Variants in MIB1 observed in about 807,000 individuals in gnomAD.
MIB1 encodes the protein E3 ubiquitin-protein ligase MIB1.
A neutral mutation model predicts 124.5 loss-of-function variants in MIB1; 278 were observed. That is an observed-to-expected ratio of 2.23 (90% CI 2.02 to 2.47). The LOEUF is 2.47. Ranked by LOEUF, MIB1 falls within the 30% of genes most tolerant of loss-of-function variation. The pLI is 0.00. For synonymous variants in MIB1, 446 were observed against 429.4 expected, an observed-to-expected ratio of 1.04 and a Z score of -0.48; for missense variants, 957 against 1,254.4, an observed-to-expected ratio of 0.76 and a Z score of 3.58.
intron 20 of MIB1, among the ~76,000 whole-genome samples, chr18:21,860,098 CTTT>C (rs398032096): frequency 7.6e-5 from 2 of 26,460 alleles, no homozygotes; most frequent in African/African-American, 1.2e-4. Flanking sequence ...TTCTTTATGT[CTTT>C]TTTTTTTTTT....
At chr18:21,710,876 G>T (rs2040662663) in intron 1 of MIB1, among the ~76,000 whole-genome samples, 1 of 148,036 alleles carries the variant, frequency 6.8e-6, no homozygotes, top group South Asian at 2.1e-4. Context: ...CGCCAGGCTG[G>T]AGTGCAGTGG....
intron 2 of MIB1, among the ~76,000 whole-genome samples, chr18:21,767,410 C>G (rs1953585311): frequency 6.6e-6 from 1 of 152,082 alleles, no homozygotes; most frequent in South Asian, 2.1e-4. Flanking sequence ...GGTAACCGCC[C>G]CCATGATTAA....
chr18:21,734,760 C>T (rs113003125), intron 1 of MIB1, among the ~76,000 whole-genome samples: 2,824 of 152,122 alleles, frequency 0.019, 40 homozygotes, highest in East Asian at 0.068. Flanking sequence ...AACTCCTGAC[C>T]TCAAATGATC....
chr18:21,721,134 T>C (rs2040712447), intron 1 of MIB1, among the ~76,000 whole-genome samples: 1 of 148,386 alleles, frequency 6.7e-6, no homozygotes, highest in Non-Finnish European at 1.5e-5. Flanking sequence ...GAGATTTTTT[T>C]GAAAGATTTA....
chr18:21,776,411 A>T (rs1271406272), intron 4 of MIB1, among the ~76,000 whole-genome samples: 1 of 152,158 alleles, frequency 6.6e-6, no homozygotes. Context: ...GCATACCTGC[A>T]GGTGCACATG....
At chr18:21,757,927 C>T (rs1166083438) in intron 1 of MIB1, among the ~76,000 whole-genome samples, 1 of 152,062 alleles carries the variant, frequency 6.6e-6, no homozygotes, top group Non-Finnish European at 1.5e-5. Context: ...AAGATCCATG[C>T]TAGGTGCGGA....
rs545115380 is a variant in MIB1, at chr18:21,747,618, G to A, written c.229+5806G>A. Among the ~76,000 whole-genome samples the A allele has an allele frequency of 3.3e-5, 5 of 152,332 alleles. No homozygotes were observed. The East Asian group carries it at 9.6e-4, about 29-fold the overall frequency. On this transcript the variant is annotated intron_variant, in intron 1 of 20. Coordinates refer to ENST00000261537, the MANE Select transcript of MIB1 (RefSeq NM_020774.4). ...CTAGATTGGCATTATTAGTTGGGGA[G>A]AAGAGAAGTGTGTACAACTGAAATA...
chr18:21,736,104 G>A (rs1235206572), upstream of MIB1, among the ~76,000 whole-genome samples: 9 of 152,224 alleles, frequency 5.9e-5, no homozygotes, highest in African/African-American at 2.2e-4. Context: ...AGTAGGGGCC[G>A]ACAGACACCT....
chr18:21,819,204 A>G (rs1452892567), intron 11 of MIB1, among the ~76,000 whole-genome samples: 1 of 152,092 alleles, frequency 6.6e-6, no homozygotes, highest in Admixed American at 6.6e-5. Context: ...TGCCCGGCTA[A>G]TTTTTAAAAT....
intron 15 of MIB1, among the ~76,000 whole-genome samples, chr18:21,845,489 T>C (rs2042127408): frequency 6.6e-6 from 1 of 152,210 alleles, no homozygotes; most frequent in Non-Finnish European, 1.5e-5. Context: ...GTTTATAAAG[T>C]TTTAGCTGTT....
intron 7 of MIB1, among the ~76,000 whole-genome samples, chr18:21,792,629 C>T (rs562491344): frequency 3.9e-5 from 6 of 152,242 alleles, no homozygotes; most frequent in Non-Finnish European, 7.4e-5. Context: ...AAAATAAAAT[C>T]TCTGTTGTTA....
intron 4 of MIB1, 132 bp from the exon 5 acceptor site, chr18:21,777,971 G>A: frequency 1.6e-6 from 1 of 629,470 alleles, no homozygotes; most frequent in African/African-American, 1.8e-5. Context: ...GCAGTGTTTA[G>A]TGTGATTGTT....
At chr18:21,774,445 G>A (rs956132391) in intron 4 of MIB1, among the ~76,000 whole-genome samples, 2 of 152,124 alleles carry the variant, frequency 1.3e-5, no homozygotes, top group Non-Finnish European at 1.5e-5. Context: ...AAAATTAGCC[G>A]GGTTTGATGG....
At chr18:21,724,494 C>T (rs1177866592) in intron 1 of MIB1, among the ~76,000 whole-genome samples, 1 of 150,024 alleles carries the variant, frequency 6.7e-6, no homozygotes, top group Non-Finnish European at 1.5e-5. Flanking sequence ...CACTTGAGGT[C>T]GGGAGTTTGA....
At chr18:21,829,498 A>T (rs566295611) in intron 12 of MIB1, 2 of 152,390 alleles carry the variant, frequency 1.3e-5, no homozygotes, top group Non-Finnish European at 2.9e-5. Flanking sequence ...TTTTTTACAA[A>T]CTAGATATCT....
intron 13 of MIB1, among the ~76,000 whole-genome samples, chr18:21,841,453 T>C (rs751418014): frequency 3.3e-5 from 5 of 152,186 alleles, no homozygotes; most frequent in Non-Finnish European, 5.9e-5. Flanking sequence ...AAAGGAGATA[T>C]ACAGTTAGCA....
chr18:21,733,068 T>C (rs2040779443), intron 1 of MIB1, among the ~76,000 whole-genome samples: 1 of 152,208 alleles, frequency 6.6e-6, no homozygotes, highest in South Asian at 2.1e-4. Context: ...ATTGCTTTGA[T>C]TGTACTTTGT....
At chr18:21,762,482 T>TAAA (rs2041109484) in intron 1 of MIB1, among the ~76,000 whole-genome samples, 1 of 152,200 alleles carries the variant, frequency 6.6e-6, no homozygotes, top group East Asian at 1.9e-4. Flanking sequence ...ATGTGACATT[T>TAAA]TTGCATCTAA....
chr18:21,791,519 C>A lies in MIB1; in HGVS notation c.1054C>A (p.Gln352Lys). 1 of 1,613,852 alleles carries A rather than the reference C, an allele frequency of 6.2e-7. No homozygotes were observed. The highest frequency in any genetic ancestry group is 8.5e-7 in the Non-Finnish European group (1 of 1,179,876). ...TGACCTGGAACGAATTAAACTTCTACAAAGAGGACATGGAGAATGGGCTGA... is the reference window on the plus strand; with the variant it reads ...TGACCTGGAACGAATTAAACTTCTAAAAAGAGGACATGGAGAATGGGCTGA... ...CYDLERIKLL[Q>K]RGHGEWAEAM... is the part of the protein sequence containing the mutation. Residue 352 changes from glutamine to lysine, a missense_variant, in exon 7 of 21, where the codon CAA (glutamine) becomes AAA (lysine). Transcript: ENST00000261537.
Sources: gnomAD v4.1 joint callset for allele counts (sites outside exome capture counted in the v4.1 genomes callset) on GRCh38, gnomAD v4.1.1 for gene constraint, MANE v1.5 for transcripts, NCBI Gene and HGNC (gene_info 2026-07-23, HGNC 2026-07-21) for gene names.